PTPRT: variants seen among roughly 807,000 people sequenced by gnomAD.
PTPRT encodes the protein protein tyrosine phosphatase receptor type T.
In PTPRT, 56 loss-of-function variants were observed where a neutral mutation model predicts 176.8. The ratio of observed to expected loss-of-function variants is 0.32; its 90% CI spans 0.26 to 0.40. PTPRT has a LOEUF of 0.40. PTPRT is among the 10% of genes least tolerant of loss of function. PTPRT has a pLI of 1.00. For missense variants in PTPRT, 1,540 were observed against 1,908.2 expected, an observed-to-expected ratio of 0.81 and a Z score of 3.60; for synonymous variants, 783 against 739.0, an observed-to-expected ratio of 1.06 and a Z score of -0.96.
At chr20:43,161,259 G>T (rs137896970) in intron 1 of PTPRT, among the ~76,000 whole-genome samples, 1 of 152,224 alleles carries the variant, frequency 6.6e-6, no homozygotes, top group East Asian at 1.9e-4. Context: ...CTTGGTTTGA[G>T]CACACATTAT....
intron 8 of PTPRT, among the ~76,000 whole-genome samples, chr20:42,471,074 C>G (rs945776079): frequency 2.6e-5 from 4 of 152,112 alleles, no homozygotes; most frequent in Non-Finnish European, 4.4e-5. Context: ...ATACCTTGAG[C>G]TTGAGATGAC....
rs1277896585 is a variant in PTPRT at position 43,187,319 on chromosome 20, ATACTT to A, written c.88+2322_88+2326del. ...AAACTTGCCAAAAGTTTTAAATAAA[ATACTT>A]TAAAGGAAATCAAGTTATTGTCATA... On this transcript the variant is annotated intron_variant, in intron 1 of 30. Transcript: ENST00000373187. Among the ~76,000 whole-genome samples the A allele has an allele frequency of 3.3e-5, 5 of 152,236 alleles. No individual in the cohort carries two copies. The East Asian group carries it at 5.8e-4, about 18-fold the overall frequency.
chr20:42,354,983 T>C (rs2058338153), intron 9 of PTPRT, among the ~76,000 whole-genome samples: 1 of 150,490 alleles, frequency 6.6e-6, no homozygotes, highest in South Asian at 2.1e-4. Context: ...AGGTGGCTGC[T>C]AGCTTCAGGC....
At position 42,081,943 on chromosome 20, in the gene PTPRT, A is replaced by G. The variant is rs1983367410; in HGVS notation, c.4211T>C (p.Ile1404Thr). The G allele has an allele frequency of 6.2e-7, 1 of 1,614,242 alleles. No individual in the cohort carries two copies. Among genetic ancestry groups the G allele is most frequent in the South Asian group, 1.1e-5 (1 of 91,088 alleles). ...TGTTTTCACGATGTGGAACACGTCA[A>G]TGATGTTTTGCTGCTGGATCATCTC... is the stretch of plus-strand genomic sequence containing the variant. ...VCEMIQQQNIIDVFHIVKTLR... is the reference protein window; with the variant it reads ...VCEMIQQQNITDVFHIVKTLR... The change falls in exon 30 of 31, where the codon ATT becomes ACT. Residue 1404 changes from isoleucine (I) to threonine (T), a missense_variant. Physicochemically the swap from Ile to Thr is moderately conservative, Grantham distance 89 (BLOSUM62 -1). Coordinates refer to ENST00000373187, the MANE Select transcript of PTPRT (RefSeq NM_007050.6).
At chr20:42,135,723 A>C (rs191309187) in intron 18 of PTPRT, among the ~76,000 whole-genome samples, 11 of 152,236 alleles carry the variant, frequency 7.2e-5, no homozygotes, top group Admixed American at 6.5e-4. Context: ...TGCCATGGGG[A>C]TGCCATGCCA....
chr20:42,258,162 T>C (rs1056369886), intron 13 of PTPRT, among the ~76,000 whole-genome samples: 8 of 152,194 alleles, frequency 5.3e-5, no homozygotes, highest in African/African-American at 1.9e-4. Flanking sequence ...TATCTTTGTA[T>C]TGATGCCTGT....
At chr20:42,859,052 C>T (rs1292831759) in intron 2 of PTPRT, among the ~76,000 whole-genome samples, 1 of 152,166 alleles carries the variant, frequency 6.6e-6, no homozygotes, top group Non-Finnish European at 1.5e-5. Context: ...CCTCAATGAG[C>T]TGCAGCGTCA....
intron 19 of PTPRT, among the ~76,000 whole-genome samples, chr20:42,122,679 C>T (rs1012013661): frequency 6.6e-6 from 1 of 152,226 alleles, no homozygotes; most frequent in South Asian, 2.1e-4. Flanking sequence ...GGCTTCCCTG[C>T]CTGCAGTTTC....
intron 15 of PTPRT, among the ~76,000 whole-genome samples, chr20:42,229,972 T>C (rs985211411): frequency 1.3e-5 from 2 of 152,180 alleles, no homozygotes; most frequent in African/African-American, 4.8e-5. Context: ...TGGGGTTCAC[T>C]GCATGTGTTA....
At chr20:42,576,570 C>T (rs1018813352) in intron 7 of PTPRT, among the ~76,000 whole-genome samples, 1 of 152,154 alleles carries the variant, frequency 6.6e-6, no homozygotes, top group Non-Finnish European at 1.5e-5. Flanking sequence ...GCTTTGCCTG[C>T]CCTGGTTGGG....
chr20:42,976,492 G>A (rs922387970), intron 1 of PTPRT, among the ~76,000 whole-genome samples: 5 of 151,596 alleles, frequency 3.3e-5, no homozygotes, highest in Non-Finnish European at 5.9e-5. Context: ...TGCAACCTCC[G>A]CCTCCTGGGT....
intron 1 of PTPRT, among the ~76,000 whole-genome samples, chr20:43,150,930 A>G (rs191193683): frequency 1.3e-5 from 2 of 152,336 alleles, no homozygotes; most frequent in Admixed American, 1.3e-4. Context: ...TAAATGGATC[A>G]CAGTGCATCT....
At chr20:43,184,759 C>T (rs1194440880) in intron 1 of PTPRT, among the ~76,000 whole-genome samples, 1 of 152,080 alleles carries the variant, frequency 6.6e-6, no homozygotes, top group Non-Finnish European at 1.5e-5. Flanking sequence ...TGTATTGACA[C>T]ATCGATTCCC....
chr20:42,486,590 T>G (rs564937180), intron 7 of PTPRT, among the ~76,000 whole-genome samples: 1 of 152,312 alleles, frequency 6.6e-6, no homozygotes, highest in Admixed American at 6.5e-5. Context: ...TGGGATGTTG[T>G]CACCATAGTG....
At chr20:42,751,589 G>A (rs2076770826) in intron 6 of PTPRT, among the ~76,000 whole-genome samples, 1 of 152,158 alleles carries the variant, frequency 6.6e-6, no homozygotes, top group African/African-American at 2.4e-5. Flanking sequence ...ACCACAATGT[G>A]GGTGGACACC....
intron 13 of PTPRT, among the ~76,000 whole-genome samples, chr20:42,278,667 G>C (rs527702654): frequency 6.6e-6 from 1 of 152,272 alleles, no homozygotes; most frequent in South Asian, 2.1e-4. Flanking sequence ...AACTAGGTCA[G>C]AAACAATTTT....
chr20:42,157,355 T>C (rs374503738), intron 17 of PTPRT, among the ~76,000 whole-genome samples: 1 of 151,600 alleles, frequency 6.6e-6, no homozygotes, highest in South Asian at 2.1e-4. Flanking sequence ...TTTTCTTTTT[T>C]TTTTTTTGGA....
At position 43,118,182 on chromosome 20, in the gene PTPRT, C is replaced by T. The variant is rs375089540; in HGVS notation, c.88+71464G>A. 3.8e-4 allele frequency among the ~76,000 whole-genome samples: 58 copies of T among 152,248 alleles called. 1 individual carries two copies. Among genetic ancestry groups the T allele is most frequent in the African/African-American group, 1.3e-3 (55 of 41,554 alleles). On this transcript the variant is annotated intron_variant, in intron 1 of 30. Coordinates refer to ENST00000373187, the MANE Select transcript of PTPRT (RefSeq NM_007050.6). Reference sequence around the variant, plus strand: ...AATGAGCAAGGCTCATGAGGTCGTGCTCCAATATAACTTTAGTCACAAAAA... The same window carrying T: ...AATGAGCAAGGCTCATGAGGTCGTGTTCCAATATAACTTTAGTCACAAAAA...
intron 1 of PTPRT, among the ~76,000 whole-genome samples, chr20:42,996,062 T>C (rs548818728): frequency 5.3e-5 from 8 of 152,282 alleles, no homozygotes; most frequent in Admixed American, 4.6e-4. Flanking sequence ...TGCCATCTAC[T>C]TAACACAGTT....
Sources: allele counts gnomAD v4.1 joint callset (sites outside exome capture counted in the v4.1 genomes callset), GRCh38; gene constraint gnomAD v4.1.1; transcripts MANE v1.5; gene names NCBI Gene and HGNC (gene_info 2026-07-23, HGNC 2026-07-21).